Variants in GIPC2 observed in about 807,000 individuals in gnomAD.
GIPC2 encodes the protein GIPC PDZ domain containing family member 2, also known as PDZ domain-containing protein GIPC2.
In GIPC2, 30 loss-of-function variants were observed where a neutral mutation model predicts 30.6. The ratio of observed to expected loss-of-function variants is 0.98; its 90% confidence interval spans 0.73 to 1.33. The LOEUF (loss-of-function observed/expected upper bound fraction) is 1.33. GIPC2 is among the 40% of genes most tolerant of loss of function. GIPC2 has a pLI of 0.00. For missense variants in GIPC2, 414 were observed against 390.3 expected, an observed-to-expected ratio of 1.06 and a Z score of -0.51; for synonymous variants, 167 against 150.0, an observed-to-expected ratio of 1.11 and a Z score of -0.83.
chr1:78,133,183 A>G (rs1662932238), intron 5 of GIPC2, among the ~76,000 whole-genome samples: 1 of 152,224 alleles, frequency 6.6e-6, no homozygotes, highest in Non-Finnish European at 1.5e-5. Context: ...ACACTGAATT[A>G]GTTACTACGG....
chr1:78,137,068 C>CAGTGGATGG lies in GIPC2; in HGVS notation c.*1325_*1326insAGTGGATGG, dbSNP rs1557556356. The CAGTGGATGG allele has an allele frequency of 6.6e-6, 1 of 152,110 alleles. No homozygotes were observed. The highest frequency in any genetic ancestry group is 1.9e-4 in the East Asian group (1 of 5,198). The allele number at this position is 152,110 out of a possible 1,614,324, so 9.4% of individuals were successfully genotyped here. A position where few individuals can be genotyped will look rare whatever the true frequency, so the allele number is the denominator to read the frequency against. ...GGTAAAACTTTAGTTGTATTGCCAT[C>CAGTGGATGG]CACTCCTTTTTCAAATGAGTTTAAT... On this transcript the variant is annotated 3_prime_UTR_variant, in exon 6 of 6. Transcript: ENST00000370759.
Position 78,128,920 on chromosome 1 carries a change from G to A in GIPC2, c.796+2958G>A, listed in dbSNP as rs530848296. ...CTTGAGAGTCTGAGGCAGGAGGATC[G>A]CTTGAGTCCAAGAGTTTGAAGCTGC... On this transcript the variant is annotated intron_variant, in intron 5 of 5. Coordinates refer to ENST00000370759, the MANE Select transcript of GIPC2 (RefSeq NM_017655.6). Among the ~76,000 whole-genome samples the A allele has an allele frequency of 9.2e-5, 14 of 151,990 alleles. No individual in the cohort carries two copies. The South Asian group carries it at 2.1e-3, about 23-fold the overall frequency.
At chr1:78,094,114 AATG>A (rs1443310229) in intron 2 of GIPC2, among the ~76,000 whole-genome samples, 1 of 152,236 alleles carries the variant, frequency 6.6e-6, no homozygotes, top group Non-Finnish European at 1.5e-5. Flanking sequence ...TGGCTCCCAA[AATG>A]ATAACCATAC....
chr1:78,092,090 G>A, intron 2 of GIPC2: 2 of 1,342,344 alleles, frequency 1.5e-6, no homozygotes, highest in East Asian at 2.3e-5. Context: ...CTTTGTGTCT[G>A]TGGGTGGCCT....
chr1:78,102,544 A>G (rs1325619970), intron 3 of GIPC2, among the ~76,000 whole-genome samples: 1 of 152,212 alleles, frequency 6.6e-6, no homozygotes, highest in Non-Finnish European at 1.5e-5. Context: ...AATATGAAAA[A>G]AGTTACAAAA....
intron 3 of GIPC2, among the ~76,000 whole-genome samples, chr1:78,113,871 T>G (rs1313293395): frequency 6.6e-6 from 1 of 152,048 alleles, no homozygotes; most frequent in Non-Finnish European, 1.5e-5. Flanking sequence ...CTATTTTTTT[T>G]TTTTTTTGCA....
intron 2 of GIPC2, among the ~76,000 whole-genome samples, chr1:78,084,975 T>C (rs1379042167): frequency 4.6e-5 from 7 of 152,190 alleles, no homozygotes; most frequent in African/African-American, 1.4e-4. Context: ...CAATACTATG[T>C]TAAGTAGGAG....
intron 3 of GIPC2, among the ~76,000 whole-genome samples, chr1:78,111,013 A>G (rs753432076): frequency 2.7e-4 from 41 of 152,186 alleles, no homozygotes; most frequent in Non-Finnish European, 4.6e-4. Flanking sequence ...GCTGGTGCGC[A>G]CATCCTGCCG....
Position 78,080,864 on chromosome 1 carries a change from A to G in GIPC2, c.426+4A>G, listed in dbSNP as rs199555283. The G allele has an allele frequency of 9.6e-5, 149 of 1,550,312 alleles. No individual in the cohort carries two copies. The highest frequency in any genetic ancestry group is 1.2e-4 in the Non-Finnish European group (132 of 1,138,930). ...TGTTGGCTATGCTTTTATAAAGGTA[A>G]GTTTTAAAAAATAACAGTGTAACCT... On this transcript the variant is annotated splice_donor_region_variant and intron_variant, in intron 2 of 5. Transcript: ENST00000370759.
intron 3 of GIPC2, among the ~76,000 whole-genome samples, chr1:78,116,590 A>G (rs1571520463): frequency 6.6e-6 from 1 of 151,894 alleles, no homozygotes. Context: ...CCACCTATGA[A>G]TGAGAACATG....
At chr1:78,055,250 T>C (rs1383237884) in intron 1 of GIPC2, among the ~76,000 whole-genome samples, 6 of 152,144 alleles carry the variant, frequency 3.9e-5, no homozygotes, top group Non-Finnish European at 8.8e-5. Flanking sequence ...TCCTGAAGGC[T>C]TGACCCTCAT....
chr1:78,059,726 G>A (rs1373092934), intron 1 of GIPC2, among the ~76,000 whole-genome samples: 2 of 151,986 alleles, frequency 1.3e-5, no homozygotes, highest in East Asian at 1.9e-4. Flanking sequence ...AGCCATGATC[G>A]TGCCACTGCC....
chr1:78,091,761 T>C, intron 2 of GIPC2: 1 of 776,548 alleles, frequency 1.3e-6, no homozygotes, highest in Non-Finnish European at 2.4e-6. Flanking sequence ...AAGCACAAAG[T>C]AGCACAGAAG....
At chr1:78,052,551 A>G (rs1197315439) in intron 1 of GIPC2, among the ~76,000 whole-genome samples, 2 of 152,196 alleles carry the variant, frequency 1.3e-5, no homozygotes, top group African/African-American at 4.8e-5. Context: ...ATGTTCTGCT[A>G]TGAGGAAAGA....
Position 78,137,115 on chromosome 1 carries a change from GT to G in GIPC2, c.*1373del, listed in dbSNP as rs1663020579. ...TAATGCCATAAAGCTGATATTCTTT[GT>G]CCGATTAATTTGAAATCTGCACAGA... On this transcript the variant is annotated 3_prime_UTR_variant, in exon 6 of 6. Transcript: ENST00000370759. 6.6e-6 allele frequency: 1 copy of G among 152,012 alleles called. No homozygotes were observed. The highest frequency in any genetic ancestry group is 2.1e-4 in the South Asian group (1 of 4,824). 9.4% of individuals were successfully genotyped at this position (152,012 alleles called of 1,614,324 possible).
chr1:78,125,616 T>C (rs1458536990), intron 4 of GIPC2, among the ~76,000 whole-genome samples: 1 of 152,276 alleles, frequency 6.6e-6, no homozygotes, highest in Non-Finnish European at 1.5e-5. Context: ...CACATCTGTT[T>C]CCTCTTCTAG....
chr1:78,093,065 G>A (rs1033050633), intron 2 of GIPC2, among the ~76,000 whole-genome samples: 22 of 152,098 alleles, frequency 1.4e-4, no homozygotes, highest in African/African-American at 5.3e-4. Flanking sequence ...ACTGTGTGGT[G>A]AGACTCTGAA....
chr1:78,066,142 G>T (rs866589720), intron 1 of GIPC2, among the ~76,000 whole-genome samples: 1 of 151,896 alleles, frequency 6.6e-6, no homozygotes, highest in Non-Finnish European at 1.5e-5. Context: ...TGCAAACTAG[G>T]CATCTGAAAA....
rs1411899303 is a variant in GIPC2, at chr1:78,100,268, T to C, written c.607+5136T>C. Among the ~76,000 whole-genome samples the C allele has an allele frequency of 3.9e-5, 6 of 152,238 alleles. No homozygotes were observed. The South Asian group carries it at 6.2e-4, about 16-fold the overall frequency. ...ACATCTCTTCCCAACTCCTCCTTCA[T>C]TGACATCAGGTTAATTGTTTTAAAT... On this transcript the variant is annotated intron_variant, in intron 3 of 5. Coordinates refer to ENST00000370759, the MANE Select transcript of GIPC2 (RefSeq NM_017655.6).
Sources: allele counts gnomAD v4.1 joint callset (sites outside exome capture counted in the v4.1 genomes callset), GRCh38; gene constraint gnomAD v4.1.1; transcripts MANE v1.5; gene names NCBI Gene and HGNC (gene_info 2026-07-23, HGNC 2026-07-21).